Variants in IL1RAPL2 observed in about 807,000 individuals in gnomAD.
IL1RAPL2 encodes the protein X-linked interleukin-1 receptor accessory protein-like 2.
In IL1RAPL2, 3 loss-of-function variants were observed where a neutral mutation model predicts 44.1. The observed-to-expected ratio is 0.07, with a 90% confidence interval of 0.03 to 0.18. The LOEUF is 0.18. IL1RAPL2 is among the 10% of genes least tolerant of loss of function. IL1RAPL2 has a pLI of 1.00. For missense variants in IL1RAPL2, 391 were observed against 496.4 expected (o/e 0.79, Z 2.02); for synonymous variants, 181 against 178.8 (o/e 1.01, Z -0.10).
intron 2 of IL1RAPL2, among the ~76,000 whole-genome samples, chrX:104,672,431 A>C (rs868856582): frequency 3.7e-5 from 4 of 108,924 alleles, no homozygotes; most frequent in African/African-American, 6.7e-5. Context: ...TGAACTCATC[A>C]TTTTTTATGG....
chrX:105,354,152 G>T (rs906522845), intron 5 of IL1RAPL2, among the ~76,000 whole-genome samples: 1 of 111,043 alleles, frequency 9.0e-6, no homozygotes, highest in Non-Finnish European at 1.9e-5. Flanking sequence ...CCATTACTGG[G>T]TATATACCCA....
chrX:105,206,388 C>A (rs1556152288), intron 3 of IL1RAPL2, among the ~76,000 whole-genome samples: 1 of 111,544 alleles, frequency 9.0e-6, no homozygotes, highest in Non-Finnish European at 1.9e-5. Context: ...TGCCCAAGGA[C>A]ACATGGGTAG....
intron 4 of IL1RAPL2, among the ~76,000 whole-genome samples, chrX:105,257,363 G>A (rs1393306244): frequency 8.9e-6 from 1 of 111,973 alleles, no homozygotes; most frequent in African/African-American, 3.3e-5. Flanking sequence ...CAATTATGTG[G>A]TTGGCTTTAG....
At chrX:105,527,436 T>TG (rs2036602142) in intron 6 of IL1RAPL2, among the ~76,000 whole-genome samples, 2 of 95,633 alleles carry the variant, frequency 2.1e-5, no homozygotes, top group Non-Finnish European at 4.2e-5. Context: ...TGAGAGTGTG[T>TG]TGTGTGTGTG....
intron 1 of IL1RAPL2, among the ~76,000 whole-genome samples, chrX:104,589,927 G>T (rs1016014252): frequency 1.8e-5 from 2 of 112,072 alleles, no homozygotes; most frequent in East Asian, 2.8e-4. Flanking sequence ...CACTGAAGAA[G>T]GCAGGAGGCT....
chrX:105,484,578 T>A (rs2036253444), intron 6 of IL1RAPL2, among the ~76,000 whole-genome samples, 191 bp downstream of exon 6: 1 of 112,303 alleles, frequency 8.9e-6, no homozygotes, highest in African/African-American at 3.2e-5. Flanking sequence ...CATCAAAAAA[T>A]GGTAATACTA....
intron 2 of IL1RAPL2, among the ~76,000 whole-genome samples, chrX:105,091,750 C>A (rs1239247408): frequency 9.0e-6 from 1 of 111,682 alleles, no homozygotes; most frequent in Non-Finnish European, 1.9e-5. Context: ...AGAAGGTGAG[C>A]CCCATGAGTG....
At chrX:104,713,057 C>T (rs1213479314) in intron 2 of IL1RAPL2, among the ~76,000 whole-genome samples, 2 of 110,906 alleles carry the variant, frequency 1.8e-5, no homozygotes, top group African/African-American at 3.3e-5. Flanking sequence ...TTTTAGGAGA[C>T]AAATGTCCTA....
At chrX:105,750,946 G>A (rs1271699757) in intron 9 of IL1RAPL2, among the ~76,000 whole-genome samples, 1 of 110,857 alleles carries the variant, frequency 9.0e-6, no homozygotes, top group Non-Finnish European at 1.9e-5. Context: ...CTATCCAATT[G>A]TGAAGGTAAA....
chrX:105,048,138 AAG>A (rs937732185), intron 2 of IL1RAPL2, among the ~76,000 whole-genome samples: 3 of 111,617 alleles, frequency 2.7e-5, no homozygotes, highest in East Asian at 5.7e-4. Context: ...GTCTAGGTAA[AAG>A]AGAGAGAGGA....
intron 6 of IL1RAPL2, among the ~76,000 whole-genome samples, chrX:105,489,333 A>C (rs2036292643): frequency 8.9e-6 from 1 of 111,874 alleles, no homozygotes; most frequent in Non-Finnish European, 1.9e-5. Flanking sequence ...TATTTTCAAT[A>C]ATTTTTTCTA....
intron 5 of IL1RAPL2, among the ~76,000 whole-genome samples, chrX:105,284,363 G>A (rs984633026): frequency 2.7e-5 from 3 of 112,169 alleles, no homozygotes; most frequent in Non-Finnish European, 5.6e-5. Context: ...GAAATATTGA[G>A]ATATGCACAT....
chrX:104,839,904 G>A (rs1921855817), intron 2 of IL1RAPL2, among the ~76,000 whole-genome samples: 1 of 111,451 alleles, frequency 9.0e-6, no homozygotes, highest in Admixed American at 9.6e-5. Flanking sequence ...TGAGATCAGT[G>A]GTGATATGTC....
At chrX:105,029,623 T>C (rs1339161030) in intron 2 of IL1RAPL2, among the ~76,000 whole-genome samples, 1 of 109,644 alleles carries the variant, frequency 9.1e-6, no homozygotes, top group African/African-American at 3.3e-5. Context: ...GGTGTATATA[T>C]GCCACATTTT....
intron 2 of IL1RAPL2, among the ~76,000 whole-genome samples, chrX:104,781,556 C>T (rs768849933): frequency 3.6e-5 from 4 of 112,045 alleles, no homozygotes; most frequent in Non-Finnish European, 7.5e-5. Flanking sequence ...CATCTTATGA[C>T]TCCACCATGA....
chrX:104,979,793 A>G (rs2030403914), intron 2 of IL1RAPL2, among the ~76,000 whole-genome samples: 1 of 111,834 alleles, frequency 8.9e-6, no homozygotes, highest in Non-Finnish European at 1.9e-5. Flanking sequence ...ACCTGAAGCA[A>G]TTTTTCCCCT....
intron 2 of IL1RAPL2, among the ~76,000 whole-genome samples, chrX:104,908,480 C>G (rs898724479): frequency 9.0e-6 from 1 of 111,172 alleles, no homozygotes; most frequent in Non-Finnish European, 1.9e-5. Flanking sequence ...CCTTCAGGAG[C>G]TCTTTTAGGG....
chrX:105,433,698 G>C (rs2035863173), intron 5 of IL1RAPL2, among the ~76,000 whole-genome samples: 1 of 111,175 alleles, frequency 9.0e-6, no homozygotes, highest in African/African-American at 3.3e-5. Context: ...CAGACTCAAA[G>C]ATGTTTAGTG....
rs752495835 is a variant in IL1RAPL2, at chrX:105,358,961, G to A, written c.697+91420G>A. On this transcript the variant is annotated intron_variant, in intron 5 of 10. Coordinates refer to ENST00000372582, the MANE Select transcript of IL1RAPL2 (RefSeq NM_017416.2). ...GATCTTACAGGGAGATCTGGAGTTA[G>A]GATGGGTCTCTGGATGATTATCCCA... 6.2e-5 allele frequency among the ~76,000 whole-genome samples: 7 copies of A among 112,022 alleles called. No homozygotes were observed. The South Asian group carries it at 2.6e-3, about 42-fold the overall frequency.
Sources: allele counts gnomAD v4.1 joint callset (sites outside exome capture counted in the v4.1 genomes callset), GRCh38; gene constraint gnomAD v4.1.1; transcripts MANE v1.5; gene names NCBI Gene and HGNC (gene_info 2026-07-23, HGNC 2026-07-21).